The following NRXN3 variants were observed in gnomAD, a reference collection of about 807,000 sequenced individuals.
The protein encoded by NRXN3 is neurexin III.
In NRXN3, 32 loss-of-function variants were observed where a neutral mutation model predicts 137.6. The ratio of observed to expected loss-of-function variants is 0.23; its 90% CI spans 0.18 to 0.31. The LOEUF (loss-of-function observed/expected upper bound fraction) is 0.31. Ranked by LOEUF, NRXN3 falls within the 10% of genes least tolerant of loss-of-function variation. The pLI, the probability that NRXN3 is intolerant of heterozygous loss-of-function variation, is 1.00. For synonymous variants in NRXN3, 798 were observed against 784.5 expected (o/e 1.02, Z -0.29); for missense variants, 1,574 against 2,062.5 (o/e 0.76, Z 4.59).
chr14:78,188,886 C>T (rs916567882), intron 1 of NRXN3, among the ~76,000 whole-genome samples: 2 of 152,146 alleles, frequency 1.3e-5, no homozygotes, highest in African/African-American at 4.8e-5. Context: ...GATGTCTGGC[C>T]TGGACCTCTC....
intron 8 of NRXN3, among the ~76,000 whole-genome samples, chr14:78,741,907 T>A (rs2152928603): frequency 6.6e-6 from 1 of 152,226 alleles, no homozygotes; most frequent in South Asian, 2.1e-4. Context: ...CCAGCCTTTC[T>A]CCCCTGTCTA....
At position 78,183,205 on chromosome 14, in the gene NRXN3, G is replaced by T. The variant is rs75916276; in HGVS notation, c.-704+12531G>T. ...GAACCATCAGGCCAGCCCTCTTCCT[G>T]GTCTGCTGGCCCTGGAAACCCTAGT... is the stretch of plus-strand genomic sequence containing the variant. On this transcript the variant is annotated intron_variant, in intron 1 of 20. Coordinates refer to ENST00000335750, the MANE Select transcript of NRXN3 (RefSeq NM_001330195.2). 6.6e-3 allele frequency among the ~76,000 whole-genome samples: 1,009 copies of T among 152,254 alleles called. 10 individuals carry two copies. Among genetic ancestry groups the T allele is most frequent in the Middle Eastern group, 0.01 (3 of 294 alleles).
intron 15 of NRXN3, among the ~76,000 whole-genome samples, chr14:79,199,648 A>G (rs2065663271): frequency 6.6e-6 from 1 of 152,220 alleles, no homozygotes. Flanking sequence ...AGAGATAGAA[A>G]TGTGGATGAG....
At chr14:79,225,241 T>A (rs2070625267) in intron 15 of NRXN3, among the ~76,000 whole-genome samples, 1 of 152,156 alleles carries the variant, frequency 6.6e-6, no homozygotes, top group African/African-American at 2.4e-5. Context: ...CTGAGATAGG[T>A]TGGACAGGTT....
chr14:78,862,245 AAGAT>A (rs11374020), intron 10 of NRXN3, among the ~76,000 whole-genome samples: 15 of 96,302 alleles, frequency 1.6e-4, no homozygotes, highest in East Asian at 7.9e-4. Context: ...ATAAATAGCA[AAGAT>A]AGATAGATAG....
chr14:78,478,536 T>TA (rs1255503200), intron 4 of NRXN3, among the ~76,000 whole-genome samples: 1 of 151,902 alleles, frequency 6.6e-6, no homozygotes. Context: ...TAAAGGTTTT[T>TA]AAAAAAGAAG....
chr14:78,297,934 C>T lies in NRXN3; in HGVS notation c.757+74C>T. ...CCGTGCCTCTGGCTGGTCACAGAGC[C>T]TCATCGTCACTGGCAGGCCATTCGC... On this transcript the variant is annotated intron_variant, in intron 4 of 20. Coordinates refer to ENST00000335750, the MANE Select transcript of NRXN3 (RefSeq NM_001330195.2). 3 of 1,511,644 alleles carry T rather than the reference C, an allele frequency of 2.0e-6. No individual in the cohort carries two copies. In the South Asian group the frequency reaches 3.6e-5, roughly 18 times the overall value. The allele number at this position is 1,511,644 out of a possible 1,614,324, so 93.6% of individuals were successfully genotyped here.
At chr14:78,991,294 G>A (rs143924544) in intron 15 of NRXN3, among the ~76,000 whole-genome samples, 159 of 152,288 alleles carry the variant, frequency 1.0e-3, no homozygotes, top group African/African-American at 3.6e-3. Flanking sequence ...TAACAGAAAT[G>A]GGTCACAGCA....
At chr14:78,897,512 C>T (rs535471962) in intron 10 of NRXN3, among the ~76,000 whole-genome samples, 1 of 151,858 alleles carries the variant, frequency 6.6e-6, no homozygotes, top group South Asian at 2.1e-4. Flanking sequence ...TGAGAAAGGC[C>T]ACTTTGGAGA....
chr14:79,042,653 GT>G (rs2099626907), intron 15 of NRXN3, among the ~76,000 whole-genome samples: 1 of 152,156 alleles, frequency 6.6e-6, no homozygotes, highest in Non-Finnish European at 1.5e-5. Flanking sequence ...ATATAAGATT[GT>G]TTTCAGATGG....
At chr14:78,457,962 C>A (rs557800564) in intron 4 of NRXN3, among the ~76,000 whole-genome samples, 1 of 152,114 alleles carries the variant, frequency 6.6e-6, no homozygotes. Context: ...GGAGACACCC[C>A]CCGCTCCAGT....
chr14:78,304,959 C>A (rs2077215703), intron 4 of NRXN3, among the ~76,000 whole-genome samples: 1 of 152,224 alleles, frequency 6.6e-6, no homozygotes, highest in Non-Finnish European at 1.5e-5. Context: ...AACACACACA[C>A]ACCTGCGTGC....
chr14:78,907,364 C>A (rs538278385), intron 10 of NRXN3, among the ~76,000 whole-genome samples: 1 of 151,942 alleles, frequency 6.6e-6, no homozygotes, highest in Non-Finnish European at 1.5e-5. Context: ...TCCATCACAC[C>A]GGTTTTCTAG....
chr14:79,709,629 A>G (rs1343397780), intron 19 of NRXN3, among the ~76,000 whole-genome samples: 2 of 152,170 alleles, frequency 1.3e-5, no homozygotes, highest in Non-Finnish European at 2.9e-5. Flanking sequence ...AATGTATAAA[A>G]TGACAGATTT....
In NRXN3 at chr14:79,442,667, G is replaced by A. The variant is rs116185444; in HGVS notation, c.3263-24554G>A. On this transcript the variant is annotated intron_variant, in intron 15 of 20. Transcript: ENST00000335750. ...TTCATTTTGTTCTTAAAAAGCAGGC[G>A]TCTGAAATGTGCCCAACTTCAGCTA... Among the ~76,000 whole-genome samples the A allele has an allele frequency of 3.5e-3, 539 of 152,242 alleles. 5 individuals carry two copies. The highest frequency in any genetic ancestry group is 0.012 in the African/African-American group (509 of 41,542).
At chr14:78,876,451 G>C (rs1190205337) in intron 10 of NRXN3, among the ~76,000 whole-genome samples, 1 of 152,218 alleles carries the variant, frequency 6.6e-6, no homozygotes, top group Non-Finnish European at 1.5e-5. Context: ...ATTGGTCACT[G>C]AAACCTCTAA....
intron 4 of NRXN3, among the ~76,000 whole-genome samples, chr14:78,419,312 C>T (rs1431395588): frequency 6.6e-6 from 1 of 152,082 alleles, no homozygotes; most frequent in African/African-American, 2.4e-5. Flanking sequence ...GATCTTGGCT[C>T]ACTACAACTC....
At chr14:78,650,315 C>T (rs2097728378) in intron 5 of NRXN3, among the ~76,000 whole-genome samples, 1 of 151,944 alleles carries the variant, frequency 6.6e-6, no homozygotes, top group Non-Finnish European at 1.5e-5. Context: ...ATGGGTGTAT[C>T]GGTGTATGGT....
At chr14:79,412,378 A>C (rs1279577883) in intron 15 of NRXN3, among the ~76,000 whole-genome samples, 1 of 152,152 alleles carries the variant, frequency 6.6e-6, no homozygotes, top group Non-Finnish European at 1.5e-5. Flanking sequence ...TTAGTTTTAA[A>C]GAATGCTATG....
Sources: gnomAD v4.1 joint callset for allele counts (sites outside exome capture counted in the v4.1 genomes callset) on GRCh38, gnomAD v4.1.1 for gene constraint, MANE v1.5 for transcripts, NCBI Gene and HGNC (gene_info 2026-07-23, HGNC 2026-07-21) for gene names.